The following TOMM34 variants were observed in gnomAD, a reference collection of about 807,000 sequenced individuals.
TOMM34 encodes mitochondrial import receptor subunit TOM34.
A neutral mutation model predicts 37.4 loss-of-function variants in TOMM34; 24 were observed. That is an observed-to-expected ratio of 0.64 (90% CI 0.46 to 0.90). The LOEUF (loss-of-function observed/expected upper bound fraction) is 0.90, where lower values mean the gene tolerates loss of function less well. Ranked by LOEUF, TOMM34 falls within the 40% of genes least tolerant of loss-of-function variation. TOMM34 has a pLI of 0.00. For synonymous variants in TOMM34, 154 were observed against 148.9 expected, an observed-to-expected ratio of 1.03 and a Z score of -0.25; for missense variants, 304 against 375.6, an observed-to-expected ratio of 0.81 and a Z score of 1.58.
At chr20:44,955,461 T>A in intron 2 of TOMM34, 1 of 628,146 alleles carries the variant, frequency 1.6e-6, no homozygotes, top group Non-Finnish European at 2.9e-6. Flanking sequence ...TGCATCAATT[T>A]TCATAGTTTC....
chr20:44,951,697 C>T, intron 4 of TOMM34, 136 bp downstream of exon 4: 1 of 1,098,228 alleles, frequency 9.1e-7, no homozygotes, highest in African/African-American at 1.6e-5. Flanking sequence ...GAGGTGAAGA[C>T]TTGTATTTTG....
Position 44,956,455 on chromosome 20 carries a change from A to G in TOMM34, c.158T>C (p.Leu53Pro), listed in dbSNP as rs753018840. 2 of 1,614,200 alleles carry G rather than the reference A, an allele frequency of 1.2e-6. No individual in the cohort carries two copies. Among genetic ancestry groups the G allele is most frequent in the Non-Finnish European group, 1.7e-6 (2 of 1,180,018 alleles). The change falls in exon 2 of 7, where the codon CTC becomes CCC. Residue 53 changes from leucine to proline, a missense_variant. Physicochemically the swap from Leu to Pro is moderately conservative, Grantham distance 98. Coordinates refer to ENST00000372813, the MANE Select transcript of TOMM34 (RefSeq NM_006809.5). ...GSSDPEEESV[L>P]YSNRAACHLK... Reference sequence around the variant, plus strand: ...GTGACATGCTGCTCGGTTGGAGTAGAGAACACTTTCTTCTTCTGGGTCTGA... The same window carrying G: ...GTGACATGCTGCTCGGTTGGAGTAGGGAACACTTTCTTCTTCTGGGTCTGA...
intron 1 of TOMM34, chr20:44,959,820 G>A: frequency 1.7e-6 from 1 of 597,984 alleles, no homozygotes; most frequent in Non-Finnish European, 2.1e-6. Flanking sequence ...TTACTGACTC[G>A]CTTAAGACTC....
intron 4 of TOMM34, among the ~76,000 whole-genome samples, chr20:44,949,224 C>A (rs1049984146): frequency 6.6e-6 from 1 of 152,170 alleles, no homozygotes; most frequent in African/African-American, 2.4e-5. Context: ...ACCTCAATTT[C>A]CTCACCAATA....
rs1328087803 is a variant in TOMM34, at chr20:44,955,136, G to A, written c.312C>T (p.Ala104=). 1 of 1,614,064 alleles carries A rather than the reference G, an allele frequency of 6.2e-7. No homozygotes were observed. The highest frequency in any genetic ancestry group is 8.5e-7 in the Non-Finnish European group (1 of 1,180,034). ...GCAGCACAGTCTTATAGTCAACATA[G>A]GCCATAGGGTACTTCTCCAGAGCCT... ...AYEALEKYPM[A]YVDYKTVLQI... is the part of the protein sequence containing the mutation. The change falls in exon 3 of 7, where the codon GCC becomes GCT. Residue 104 remains alanine, a synonymous_variant. Coordinates refer to ENST00000372813, the MANE Select transcript of TOMM34 (RefSeq NM_006809.5).
intron 2 of TOMM34, chr20:44,955,518 T>C: frequency 1.9e-6 from 1 of 514,244 alleles, no homozygotes; most frequent in South Asian, 1.5e-5. Context: ...TTCATGCTAC[T>C]ATGTTTTTTT....
chr20:44,957,096 A>G (rs1165317704), intron 1 of TOMM34, among the ~76,000 whole-genome samples: 1 of 152,172 alleles, frequency 6.6e-6, no homozygotes, highest in Non-Finnish European at 1.5e-5. Context: ...AAGCTACCCC[A>G]TGGGGAGAAT....
At chr20:44,949,402 G>A (rs572284045) in intron 4 of TOMM34, among the ~76,000 whole-genome samples, 1 of 152,300 alleles carries the variant, frequency 6.6e-6, no homozygotes, top group East Asian at 1.9e-4. Context: ...TATGAGAAAA[G>A]GGGAGAAGAG....
chr20:44,957,154 G>A (rs975898296), intron 1 of TOMM34, among the ~76,000 whole-genome samples: 1 of 152,164 alleles, frequency 6.6e-6, no homozygotes, highest in Non-Finnish European at 1.5e-5. Context: ...AATCGCAGAG[G>A]CTCAAGTCCT....
intron 3 of TOMM34, among the ~76,000 whole-genome samples, chr20:44,952,904 C>A (rs1247131527): frequency 6.6e-6 from 1 of 152,098 alleles, no homozygotes; most frequent in Non-Finnish European, 1.5e-5. Flanking sequence ...AACCTCTGCT[C>A]TCCTCAAACC....
intron 3 of TOMM34, chr20:44,952,577 A>C (rs2067035510): frequency 4.2e-6 from 3 of 717,272 alleles, no homozygotes; most frequent in African/African-American, 1.7e-5. Flanking sequence ...TACCCAGAAC[A>C]ACCATTTTCA....
chr20:44,946,863 C>T (rs549775988), intron 5 of TOMM34, among the ~76,000 whole-genome samples: 7 of 152,180 alleles, frequency 4.6e-5, no homozygotes, highest in Non-Finnish European at 8.8e-5. Context: ...TCCAACAAGA[C>T]ATTTTTTGGA....
chr20:44,957,350 G>A (rs998775469), intron 1 of TOMM34, among the ~76,000 whole-genome samples: 3 of 152,044 alleles, frequency 2.0e-5, no homozygotes, highest in East Asian at 1.9e-4. Flanking sequence ...TCGCCACCAC[G>A]CCTGGTAGAG....
intron 1 of TOMM34, 55 bp from the exon 2 acceptor site, chr20:44,956,540 A>G: frequency 6.5e-7 from 1 of 1,541,732 alleles, no homozygotes; most frequent in Non-Finnish European, 9.0e-7. Context: ...GCCTCAGGGC[A>G]TTAGGATACA....
At chr20:44,952,232 T>C (rs1340764998) in intron 3 of TOMM34, among the ~76,000 whole-genome samples, 1 of 152,240 alleles carries the variant, frequency 6.6e-6, no homozygotes, top group African/African-American at 2.4e-5. Context: ...CTATGTTACC[T>C]TTAAAGTGGT....
At chr20:44,944,822 C>A (rs184962055) in intron 5 of TOMM34, among the ~76,000 whole-genome samples, 1 of 152,308 alleles carries the variant, frequency 6.6e-6, no homozygotes, top group African/African-American at 2.4e-5. Context: ...TTCATGTATG[C>A]CAATATGGAA....
At chr20:44,957,266 C>T (rs2067082153) in intron 1 of TOMM34, among the ~76,000 whole-genome samples, 1 of 152,084 alleles carries the variant, frequency 6.6e-6, no homozygotes, top group African/African-American at 2.4e-5. Context: ...CCGCTCACTG[C>T]AACTCCACCT....
chr20:44,957,707 A>G (rs1345397681), intron 1 of TOMM34, among the ~76,000 whole-genome samples: 2 of 151,954 alleles, frequency 1.3e-5, no homozygotes, highest in African/African-American at 4.8e-5. Context: ...TAGTAGCACA[A>G]TCATAGCTCA....
chr20:44,960,050 A>T (rs2067111622), intron 1 of TOMM34, 157 bp downstream of exon 1: 12 of 984,730 alleles, frequency 1.2e-5, no homozygotes, highest in African/African-American at 1.7e-5. Flanking sequence ...AGGTGGAAAG[A>T]AAGGGCCGAG....
Sources: allele counts gnomAD v4.1 joint callset (sites outside exome capture counted in the v4.1 genomes callset), GRCh38; gene constraint gnomAD v4.1.1; transcripts MANE v1.5; gene names NCBI Gene and HGNC (gene_info 2026-07-23, HGNC 2026-07-21).